Variants in NRG1 observed in about 807,000 individuals in gnomAD.
The protein encoded by NRG1 is pro-neuregulin-1, membrane-bound isoform.
NRG1 carries 18 observed loss-of-function variants against 63.8 expected under a neutral mutation model. That is an observed-to-expected ratio of 0.28 (90% CI 0.19 to 0.42). NRG1 has a LOEUF of 0.42. Ranked by LOEUF, NRG1 falls within the 10% of genes least tolerant of loss-of-function variation. The probability of loss-of-function intolerance (pLI) is 1.00; values close to 1 mark genes in which losing one functional copy is unlikely to be tolerated. For missense variants in NRG1, 762 were observed against 814.7 expected (o/e 0.94, Z 0.79); for synonymous variants, 302 against 301.3 (o/e 1.00, Z -0.02).
chr8:31,671,695 G>T (rs1188774685), intron 1 of NRG1, among the ~76,000 whole-genome samples: 3 of 152,074 alleles, frequency 2.0e-5, no homozygotes, highest in African/African-American at 7.2e-5. Flanking sequence ...ATGCAGTGGT[G>T]GCATCATGAA....
chr8:32,303,215 G>C, intron 1 of NRG1, among the ~76,000 whole-genome samples: 1 of 131,912 alleles, frequency 7.6e-6, no homozygotes, highest in South Asian at 2.5e-4. Context: ...AAAGAGAAAA[G>C]AAAGAAAAGA....
At chr8:32,233,494 G>T (rs994865683) in intron 1 of NRG1, among the ~76,000 whole-genome samples, 1 of 143,878 alleles carries the variant, frequency 7.0e-6, no homozygotes, top group Non-Finnish European at 1.5e-5. Context: ...GGCAACATCT[G>T]TTAAGGGATA....
At chr8:32,338,830 C>G (rs911314606) in intron 1 of NRG1, among the ~76,000 whole-genome samples, 14 of 152,066 alleles carry the variant, frequency 9.2e-5, no homozygotes, top group African/African-American at 3.1e-4. Flanking sequence ...GAGAATGTTC[C>G]TATTTAAGCT....
rs1334441701 is a variant in NRG1, at chr8:32,366,675, GTGTATATATATATATA to G, written c.38-229151_38-229136del. Among the ~76,000 whole-genome samples the G allele has an allele frequency of 1.7e-3, 91 of 54,516 alleles. 2 individuals are homozygous for G. The highest frequency in any genetic ancestry group is 5.6e-3 in the South Asian group (10 of 1,794). 35.8% of individuals were successfully genotyped at this position (54,516 alleles called of 152,430 possible). A position where few individuals can be genotyped will look rare whatever the true frequency, so the allele number is the denominator to read the frequency against. On this transcript the variant is annotated intron_variant, in intron 1 of 10. Coordinates refer to the NRG1 transcript ENST00000519301. ...ATATTGTGTGTGTGTGTGTGTGTGT[GTGTATATATATATATA>G]TATATATATATATATATATATATCT... is the stretch of plus-strand genomic sequence containing the variant.
chr8:32,109,168 C>T (rs1831669160), intron 1 of NRG1, among the ~76,000 whole-genome samples: 1 of 152,156 alleles, frequency 6.6e-6, no homozygotes, highest in African/African-American at 2.4e-5. Context: ...TACTAAGTAC[C>T]TTAGGAAGAC....
At chr8:32,768,531 C>A (rs964454385), downstream of NRG1, among the ~76,000 whole-genome samples, 1 of 152,178 alleles carries the variant, frequency 6.6e-6, no homozygotes, top group South Asian at 2.1e-4. Flanking sequence ...GGTTCATTCC[C>A]CTTATTCTGT....
At chr8:32,202,868 G>T (rs191738740) in intron 1 of NRG1, among the ~76,000 whole-genome samples, 188 of 151,276 alleles carry the variant, frequency 1.2e-3, no homozygotes, top group African/African-American at 4.4e-3. Flanking sequence ...CACGATAGGG[G>T]GTTGCAGTGG....
chr8:32,189,114 T>C (rs1301564879), intron 1 of NRG1, among the ~76,000 whole-genome samples: 1 of 152,248 alleles, frequency 6.6e-6, no homozygotes, highest in East Asian at 1.9e-4. Context: ...TGTGTTTTTC[T>C]TGTAAAAGAT....
chr8:32,083,147 G>A (rs1827726865), intron 1 of NRG1, among the ~76,000 whole-genome samples: 1 of 152,092 alleles, frequency 6.6e-6, no homozygotes, highest in Non-Finnish European at 1.5e-5. Flanking sequence ...GCATGAAAAG[G>A]CCAAGCTTAG....
At chr8:32,628,663 TGAA>T (rs944697571) in intron 5 of NRG1, among the ~76,000 whole-genome samples, 1 of 151,010 alleles carries the variant, frequency 6.6e-6, no homozygotes, top group Non-Finnish European at 1.5e-5. Flanking sequence ...GTGAAAAAAA[TGAA>T]GAAAAATGGA....
At chr8:31,961,276 A>T (rs1184651471) in intron 1 of NRG1, among the ~76,000 whole-genome samples, 2 of 152,168 alleles carry the variant, frequency 1.3e-5, no homozygotes, top group Non-Finnish European at 2.9e-5. Flanking sequence ...GAGCATCCAA[A>T]TCAGTATAAT....
At chr8:32,549,953 A>G (rs1833819139) in intron 1 of NRG1, among the ~76,000 whole-genome samples, 1 of 152,202 alleles carries the variant, frequency 6.6e-6, no homozygotes, top group Admixed American at 6.5e-5. Context: ...CTTCTGCAGA[A>G]TTAATTCACT....
chr8:31,871,722 G>A (rs1459110087), intron 1 of NRG1, among the ~76,000 whole-genome samples: 1 of 151,924 alleles, frequency 6.6e-6, no homozygotes, highest in Non-Finnish European at 1.5e-5. Flanking sequence ...TTAATAACTT[G>A]TTCTTTTTCC....
chr8:32,095,823 A>G (rs533775651), intron 1 of NRG1, among the ~76,000 whole-genome samples: 2 of 152,344 alleles, frequency 1.3e-5, no homozygotes, highest in African/African-American at 4.8e-5. Flanking sequence ...AAGGAAAAAT[A>G]TTATTATAGA....
At chr8:32,300,295 T>C (rs1430126927) in intron 1 of NRG1, among the ~76,000 whole-genome samples, 2 of 152,248 alleles carry the variant, frequency 1.3e-5, no homozygotes, top group African/African-American at 4.8e-5. Flanking sequence ...AAAACATTAA[T>C]AAAGAGGAAA....
chr8:31,743,016 A>G (rs1281477436), intron 1 of NRG1, among the ~76,000 whole-genome samples: 4 of 151,922 alleles, frequency 2.6e-5, no homozygotes, highest in Admixed American at 2.0e-4. Context: ...ATCCACTTAA[A>G]TCTTTCTTCT....
At chr8:32,176,547 A>C (rs146391458) in intron 1 of NRG1, among the ~76,000 whole-genome samples, 6,364 of 152,310 alleles carry the variant, frequency 0.042, 305 homozygotes, top group East Asian at 0.25. Flanking sequence ...GGCAGCCTAC[A>C]GAATGGGAGA....
intron 1 of NRG1, among the ~76,000 whole-genome samples, chr8:32,157,049 CGTGTGTGTGTGTGTGTGTGT>C (rs34725608): frequency 2.8e-5 from 4 of 140,918 alleles, no homozygotes; most frequent in Non-Finnish European, 6.1e-5. Flanking sequence ...AATTAAAACT[CGTGTGTGTGTGTGTGTGTGT>C]GTGTGTGTGT....
At chr8:31,876,874 C>A (rs1299986719) in intron 1 of NRG1, among the ~76,000 whole-genome samples, 1 of 152,284 alleles carries the variant, frequency 6.6e-6, no homozygotes, top group Non-Finnish European at 1.5e-5. Context: ...TAAATAAAGT[C>A]AAACTCCACT....
Sources: gnomAD v4.1 joint callset for allele counts (sites outside exome capture counted in the v4.1 genomes callset) on GRCh38, gnomAD v4.1.1 for gene constraint, MANE v1.5 for transcripts, NCBI Gene and HGNC (gene_info 2026-07-23, HGNC 2026-07-21) for gene names.